ZFR: variants seen among roughly 807,000 people sequenced by gnomAD.
The protein encoded by ZFR is zinc finger RNA binding protein, also known as zinc finger RNA-binding protein.
Under a neutral mutation model 130.7 loss-of-function variants are expected in ZFR, and 19 were observed. The observed-to-expected ratio is 0.15, with a 90% CI of 0.10 to 0.21. The LOEUF (loss-of-function observed/expected upper bound fraction) is 0.21. Ranked by LOEUF, ZFR falls within the 10% of genes least tolerant of loss-of-function variation. The probability of loss-of-function intolerance (pLI) is 1.00; values close to 1 mark genes in which losing one functional copy is unlikely to be tolerated. For missense variants in ZFR, 872 were observed against 1,321.5 expected, an observed-to-expected ratio of 0.66 and a Z score of 5.27; for synonymous variants, 466 against 456.9, an observed-to-expected ratio of 1.02 and a Z score of -0.25.
rs537461182 is a variant in ZFR, at chr5:32,397,147, A to G, written c.1833+72T>C. On this transcript the variant is annotated intron_variant, in intron 10 of 19. Coordinates refer to ENST00000265069, the MANE Select transcript of ZFR (RefSeq NM_016107.5). ...GCTGTGTTTAGATGCTTTCTTTTAC[A>G]TAAAGAATGCTCTGGGTGTTTTTGT... The G allele has an allele frequency of 1.4e-5, 21 of 1,507,344 alleles. No homozygotes were observed. In the African/African-American group the frequency reaches 1.4e-4, roughly 10 times the overall value. 93.4% of individuals were successfully genotyped at this position (1,507,344 alleles called of 1,614,324 possible).
At chr5:32,416,855 C>T (rs1252258113) in intron 4 of ZFR, among the ~76,000 whole-genome samples, 6 of 151,692 alleles carry the variant, frequency 4.0e-5, no homozygotes, top group African/African-American at 7.3e-5. Flanking sequence ...TACAATCCAA[C>T]GCTCTACCCA....
chr5:32,442,128 A>AC (rs1754488617), intron 2 of ZFR, among the ~76,000 whole-genome samples: 1 of 152,226 alleles, frequency 6.6e-6, no homozygotes. Flanking sequence ...GCCACAAAGA[A>AC]CCCACCACTT....
chr5:32,388,782 T>A (rs948669893), intron 12 of ZFR, 108 bp from the exon 13 acceptor site: 38 of 1,039,522 alleles, frequency 3.7e-5, no homozygotes, highest in Non-Finnish European at 5.2e-5. Context: ...AGAAAGCCTT[T>A]ATCTTCTTTT....
intron 2 of ZFR, among the ~76,000 whole-genome samples, chr5:32,436,977 C>T (rs1754351568): frequency 6.6e-6 from 1 of 152,164 alleles, no homozygotes; most frequent in Non-Finnish European, 1.5e-5. Flanking sequence ...GATAAAAAAA[C>T]TAACAACAGA....
Position 32,417,630 on chromosome 5 carries a change from T to C in ZFR, c.565+18A>G. On this transcript the variant is annotated intron_variant, in intron 4 of 19. Transcript: ENST00000265069. The stretch of plus-strand genomic sequence containing the variant: ...TTCAATAGTTTACAAAGAAACTCTG[T>C]AGGTTAAGAAAACCCACCTGTCTGA... The C allele has an allele frequency of 6.2e-7, 1 of 1,610,630 alleles. No individual in the cohort carries two copies. The highest frequency in any genetic ancestry group is 8.5e-7 in the Non-Finnish European group (1 of 1,179,802).
At chr5:32,444,037 G>A (rs930506435) in intron 2 of ZFR, among the ~76,000 whole-genome samples, 192 bp downstream of exon 2, 1 of 140,606 alleles carries the variant, frequency 7.1e-6, no homozygotes. Flanking sequence ...TCCCCGCCGC[G>A]GGCCGGGCCG....
chr5:32,369,688 T>C (rs576214413), intron 17 of ZFR, among the ~76,000 whole-genome samples: 1 of 152,042 alleles, frequency 6.6e-6, no homozygotes, highest in Non-Finnish European at 1.5e-5. Context: ...AGCATGCACC[T>C]ACAGTCCTAT....
At chr5:32,373,634 AAT>A (rs1387929201) in intron 17 of ZFR, among the ~76,000 whole-genome samples, 1 of 152,184 alleles carries the variant, frequency 6.6e-6, no homozygotes, top group Non-Finnish European at 1.5e-5. Flanking sequence ...ATCATAAGGT[AAT>A]AAGTTATTAA....
Position 32,419,818 on chromosome 5 carries a change from T to C in ZFR, c.420+3A>G, listed in dbSNP as rs1209684233. ...AGGCTACCAAAACTAGTAGTTTTCT[T>C]ACCTGGTAGTTTTGTGTAGTAGCTG... On this transcript the variant is annotated splice_donor_region_variant and intron_variant, in intron 3 of 19. Coordinates refer to ENST00000265069, the MANE Select transcript of ZFR (RefSeq NM_016107.5). 1.9e-6 allele frequency: 3 copies of C among 1,588,186 alleles called. No individual in the cohort carries two copies. The highest frequency in any genetic ancestry group is 2.6e-6 in the Non-Finnish European group (3 of 1,164,404).
In ZFR at chr5:32,430,779, C is replaced by A. The variant is rs577686975; in HGVS notation, c.138-10676G>T. On this transcript the variant is annotated intron_variant, in intron 2 of 19. Transcript: ENST00000265069. ...GATATTTTAAGATGAAGAAAAAAAA[C>A]CCAAAAAACTCTCAGGCTGATTGTG... 1.9e-4 allele frequency among the ~76,000 whole-genome samples: 29 copies of A among 152,150 alleles called. No individual in the cohort carries two copies. The East Asian group carries it at 5.6e-3, about 29-fold the overall frequency.
chr5:32,357,334 C>T (rs566057268), intron 19 of ZFR, among the ~76,000 whole-genome samples: 198 of 152,252 alleles, frequency 1.3e-3, no homozygotes, highest in Non-Finnish European at 2.3e-3. Flanking sequence ...GGCGCGATCT[C>T]AGCTTACTGC....
In ZFR at chr5:32,355,646, C is replaced by G; in HGVS notation, c.*114G>C. On this transcript the variant is annotated 3_prime_UTR_variant, in exon 20 of 20. Transcript: ENST00000265069. ...AATATCATAGAAAAACTTGGTTCTTCCATGAAATCCTTTAAATTCTTGATA... is the reference window on the plus strand; with the variant it reads ...AATATCATAGAAAAACTTGGTTCTTGCATGAAATCCTTTAAATTCTTGATA... The G allele has an allele frequency of 9.7e-7, 1 of 1,033,214 alleles. No individual in the cohort carries two copies. The highest frequency in any genetic ancestry group is 1.3e-6 in the Non-Finnish European group (1 of 743,406). 64.0% of individuals were successfully genotyped at this position (1,033,214 alleles called of 1,614,324 possible).
intron 5 of ZFR, among the ~76,000 whole-genome samples, chr5:32,412,763 T>C (rs982708013): frequency 1.3e-5 from 2 of 152,208 alleles, no homozygotes; most frequent in African/African-American, 4.8e-5. Context: ...TGCTGAGCCA[T>C]TTGAAAATAG....
At chr5:32,444,175 T>A (rs1289359117) in intron 2 of ZFR, 54 bp downstream of exon 2, 1 of 1,564,834 alleles carries the variant, frequency 6.4e-7, no homozygotes. Flanking sequence ...ATCGACAGGA[T>A]CCGGACCGAG....
chr5:32,388,363 C>T lies in ZFR; in HGVS notation c.2348+106G>A, dbSNP rs569262812. The T allele has an allele frequency of 6.5e-6, 7 of 1,077,826 alleles. No homozygotes were observed. In the South Asian group the frequency reaches 1.1e-4, roughly 17 times the overall value. The allele number at this position is 1,077,826 out of a possible 1,614,324, so 66.8% of individuals were successfully genotyped here. The stretch of plus-strand genomic sequence containing the variant: ...ATCGAACACAGGCATGGTTAAAACA[C>T]ATAGAACTCACACCAGAGTTACCAG... On this transcript the variant is annotated intron_variant, in intron 13 of 19. Transcript: ENST00000265069.
chr5:32,390,876 C>A lies in ZFR; in HGVS notation c.1980-439G>T, dbSNP rs73757226. Reference sequence around the variant, plus strand: ...AACAGTGCAAGGCAGTGATAAATGGCAAGTCATAGTCAGTCTTACTGTTGG... The same window carrying A: ...AACAGTGCAAGGCAGTGATAAATGGAAAGTCATAGTCAGTCTTACTGTTGG... On this transcript the variant is annotated intron_variant, in intron 11 of 19. Coordinates refer to ENST00000265069, the MANE Select transcript of ZFR (RefSeq NM_016107.5). 6.8e-3 allele frequency among the ~76,000 whole-genome samples: 1,030 copies of A among 152,288 alleles called. 15 individuals are homozygous for A. Among genetic ancestry groups the A allele is most frequent in the African/African-American group, 0.024 (979 of 41,558 alleles).
chr5:32,440,998 G>A (rs1382479888), intron 2 of ZFR, among the ~76,000 whole-genome samples: 4 of 152,078 alleles, frequency 2.6e-5, no homozygotes, highest in South Asian at 2.1e-4. Context: ...ATTTTGAGAC[G>A]GAGTCTGTCT....
intron 2 of ZFR, among the ~76,000 whole-genome samples, chr5:32,422,798 C>CAAAAAAAAAAAAAAAAAA (rs10693151): frequency 1.2e-4 from 3 of 24,004 alleles, no homozygotes; most frequent in African/African-American, 3.0e-4. Flanking sequence ...AAACCTGTCT[C>CAAAAAAAAAAAAAAAAAA]AAAAAAAAAA....
At chr5:32,377,494 T>C (rs1752849174) in intron 17 of ZFR, among the ~76,000 whole-genome samples, 1 of 151,246 alleles carries the variant, frequency 6.6e-6, no homozygotes, top group Non-Finnish European at 1.5e-5. Context: ...GTGGTAACTT[T>C]CATATAGCAA....
Sources: allele counts gnomAD v4.1 joint callset (sites outside exome capture counted in the v4.1 genomes callset), GRCh38; gene constraint gnomAD v4.1.1; transcripts MANE v1.5; gene names NCBI Gene and HGNC (gene_info 2026-07-23, HGNC 2026-07-21).